The following TRHDE variants were observed in gnomAD, a reference collection of about 807,000 sequenced individuals.
TRHDE encodes the protein thyrotropin-releasing hormone-degrading ectoenzyme.
In TRHDE, 72 loss-of-function variants were observed where a neutral mutation model predicts 125.7. The observed-to-expected ratio is 0.57, with a 90% CI of 0.47 to 0.70. The LOEUF (loss-of-function observed/expected upper bound fraction) is 0.70. Ranked by LOEUF, TRHDE falls within the 30% of genes least tolerant of loss-of-function variation. The pLI, the probability that TRHDE is intolerant of heterozygous loss-of-function variation, is 0.00. For missense variants in TRHDE, 1,110 were observed against 1,327.1 expected, an observed-to-expected ratio of 0.84 and a Z score of 2.54; for synonymous variants, 509 against 509.1, an observed-to-expected ratio of 1.00 and a Z score of 0.00.
At chr12:72,464,641 A>C (rs910285610) in intron 3 of TRHDE, among the ~76,000 whole-genome samples, 3 of 152,182 alleles carry the variant, frequency 2.0e-5, no homozygotes, top group African/African-American at 7.2e-5. Context: ...AAGCAAAACA[A>C]AACAAGAAGA....
At chr12:72,590,623 G>C (rs1372207674) in intron 12 of TRHDE, among the ~76,000 whole-genome samples, 1 of 151,900 alleles carries the variant, frequency 6.6e-6, no homozygotes, top group African/African-American at 2.4e-5. Context: ...TATTTTATCT[G>C]CTATTAATAT....
At chr12:72,612,274 C>T (rs756998493) in intron 12 of TRHDE, among the ~76,000 whole-genome samples, 1 of 152,190 alleles carries the variant, frequency 6.6e-6, no homozygotes, top group Non-Finnish European at 1.5e-5. Flanking sequence ...CCTGTTTAAA[C>T]CACTCCCTTC....
intron 1 of TRHDE, among the ~76,000 whole-genome samples, chr12:72,092,672 A>C (rs1486944178): frequency 1.3e-5 from 2 of 152,228 alleles, no homozygotes; most frequent in Non-Finnish European, 2.9e-5. Flanking sequence ...AACGGAGTGC[A>C]ATGTGATGTT....
intron 3 of TRHDE, among the ~76,000 whole-genome samples, chr12:72,433,704 A>G (rs558927517): frequency 5.5e-4 from 84 of 151,976 alleles, no homozygotes; most frequent in Middle Eastern, 6.8e-3. Context: ...CAGCAAACAT[A>G]TGAAGTATTT....
chr12:72,305,123 G>A (rs888354452), intron 2 of TRHDE, among the ~76,000 whole-genome samples: 6 of 151,938 alleles, frequency 3.9e-5, no homozygotes, highest in Non-Finnish European at 7.4e-5. Flanking sequence ...CTTAATTATG[G>A]GAAATAGTTA....
In TRHDE at chr12:72,669,787, A is replaced by G. The variant is rs1383543526; in HGVS notation, c.*6592A>G. ...ATTCTACCTTTCAAAATATTGTGTAACAGCAATTCCACATTATCCTTTTGA... is the reference window on the plus strand; with the variant it reads ...ATTCTACCTTTCAAAATATTGTGTAGCAGCAATTCCACATTATCCTTTTGA... On this transcript the variant is annotated 3_prime_UTR_variant, in exon 19 of 19. Transcript: ENST00000261180. 6.6e-6 allele frequency: 1 copy of G among 151,806 alleles called. No homozygotes were observed. Among genetic ancestry groups the G allele is most frequent in the Non-Finnish European group, 1.5e-5 (1 of 67,838 alleles). 9.4% of individuals were successfully genotyped at this position (151,806 alleles called of 1,614,324 possible).
intron 12 of TRHDE, among the ~76,000 whole-genome samples, chr12:72,597,296 T>A (rs1871982494): frequency 6.6e-6 from 1 of 152,150 alleles, no homozygotes; most frequent in Non-Finnish European, 1.5e-5. Context: ...GAATATTACA[T>A]GGTATGCATT....
intron 12 of TRHDE, among the ~76,000 whole-genome samples, chr12:72,608,394 A>AAT (rs1872528003): frequency 6.6e-6 from 1 of 152,200 alleles, no homozygotes; most frequent in South Asian, 2.1e-4. Context: ...ACATCCTGGT[A>AAT]ATCTATTTGT....
intron 2 of TRHDE, among the ~76,000 whole-genome samples, chr12:72,117,583 T>C (rs1335370182): frequency 1.3e-5 from 2 of 152,128 alleles, no homozygotes; most frequent in Non-Finnish European, 2.9e-5. Flanking sequence ...TCTGTATAAA[T>C]TTTAGGATTG....
chr12:72,567,556 A>G (rs1170405558), intron 9 of TRHDE, among the ~76,000 whole-genome samples: 1 of 151,968 alleles, frequency 6.6e-6, no homozygotes, highest in Non-Finnish European at 1.5e-5. Context: ...CCCAAAAGAC[A>G]TATTCATTAT....
chr12:72,555,443 G>T (rs1171498373), intron 7 of TRHDE, among the ~76,000 whole-genome samples: 1 of 142,616 alleles, frequency 7.0e-6, no homozygotes, highest in Non-Finnish European at 1.5e-5. Flanking sequence ...TTATGTCTTG[G>T]AAACCTAATA....
chr12:72,665,179 A>AAATT lies in TRHDE; in HGVS notation c.*1986_*1989dup, dbSNP rs1248208159. 6.6e-6 allele frequency: 1 copy of AAATT among 152,098 alleles called. No individual in the cohort carries two copies. Among genetic ancestry groups the AAATT allele is most frequent in the African/African-American group, 2.4e-5 (1 of 41,440 alleles). The allele number at this position is 152,098 out of a possible 1,614,324, so 9.4% of individuals were successfully genotyped here. On this transcript the variant is annotated 3_prime_UTR_variant, in exon 19 of 19. Coordinates refer to ENST00000261180, the MANE Select transcript of TRHDE (RefSeq NM_013381.3). The stretch of plus-strand genomic sequence containing the variant: ...TGAATTCATGTAATAGATAAGAAAA[A>AAATT]AATTAGAGGTGGATGTCTTGTTTTG...
intron 3 of TRHDE, among the ~76,000 whole-genome samples, chr12:72,394,043 G>A (rs1223619882): frequency 6.6e-6 from 1 of 152,120 alleles, no homozygotes; most frequent in African/African-American, 2.4e-5. Flanking sequence ...TACCCATTAT[G>A]TGCATTGAGG....
chr12:72,455,851 A>G (rs985204745), intron 3 of TRHDE, among the ~76,000 whole-genome samples: 1 of 151,958 alleles, frequency 6.6e-6, no homozygotes, highest in Non-Finnish European at 1.5e-5. Context: ...CTTGGTTTTA[A>G]TCTTTCTGTC....
intron 3 of TRHDE, among the ~76,000 whole-genome samples, chr12:72,394,211 A>C (rs1345596401): frequency 6.6e-6 from 1 of 152,258 alleles, no homozygotes; most frequent in East Asian, 1.9e-4. Flanking sequence ...TGAGCTCTCA[A>C]ATTCTAAACA....
chr12:72,664,740 TATATTCTA>T lies in TRHDE; in HGVS notation c.*1547_*1554del, dbSNP rs1190355371. On this transcript the variant is annotated 3_prime_UTR_variant, in exon 19 of 19. Transcript: ENST00000261180. ...AAATCTTACAAATCATTGAAAGAAA[TATATTCTA>T]ACAGTACGCACTGAATAGTGAAAAT... 1.3e-5 allele frequency: 2 copies of T among 152,068 alleles called. No homozygotes were observed. Among genetic ancestry groups the T allele is most frequent in the African/African-American group, 2.4e-5 (1 of 41,448 alleles). 9.4% of individuals were successfully genotyped at this position (152,068 alleles called of 1,614,324 possible). A position where few individuals can be genotyped will look rare whatever the true frequency, so the allele number is the denominator to read the frequency against.
At chr12:72,288,699 A>G (rs527826517) in intron 2 of TRHDE, among the ~76,000 whole-genome samples, 2 of 152,272 alleles carry the variant, frequency 1.3e-5, no homozygotes, top group South Asian at 4.1e-4. Context: ...AAGTATCTTA[A>G]AAGTGTTTTC....
Position 72,560,660 on chromosome 12 carries a change from A to C in TRHDE, c.1789-1505A>C, listed in dbSNP as rs542573739. 5 of 152,026 alleles carry C rather than the reference A, an allele frequency of 3.3e-5. No homozygotes were observed. The East Asian group carries it at 9.7e-4, about 30-fold the overall frequency. The allele number at this position is 152,026 out of a possible 1,614,324, so 9.4% of individuals were successfully genotyped here. On this transcript the variant is annotated intron_variant, in intron 7 of 18. Coordinates refer to ENST00000261180, the MANE Select transcript of TRHDE (RefSeq NM_013381.3). Reference sequence around the variant, plus strand: ...CACATAATGGAATCCTGTTGCTACAAAAAATTAAAAAAAAACAGCTGGATG... The same window carrying C: ...CACATAATGGAATCCTGTTGCTACACAAAATTAAAAAAAAACAGCTGGATG...
intron 3 of TRHDE, among the ~76,000 whole-genome samples, chr12:72,437,428 C>T (rs545959274): frequency 6.6e-6 from 1 of 151,774 alleles, no homozygotes; most frequent in African/African-American, 2.4e-5. Context: ...AGGTCTGATA[C>T]CCTCATTCTG....
Sources: allele counts gnomAD v4.1 joint callset (sites outside exome capture counted in the v4.1 genomes callset), GRCh38; gene constraint gnomAD v4.1.1; transcripts MANE v1.5; gene names NCBI Gene and HGNC (gene_info 2026-07-23, HGNC 2026-07-21).